FOCAD: variants seen among roughly 807,000 people sequenced by gnomAD.
FOCAD encodes KIAA1797.
In FOCAD, 198 loss-of-function variants were observed where a neutral mutation model predicts 225.6. That is an observed-to-expected ratio of 0.88 (90% CI 0.78 to 0.99). The LOEUF (loss-of-function observed/expected upper bound fraction) is 0.99. FOCAD is among the 50% of genes least tolerant of loss of function. The probability of loss-of-function intolerance (pLI) is 0.00; values close to 1 mark genes in which losing one functional copy is unlikely to be tolerated. For missense variants in FOCAD, 2,713 were observed against 2,123.6 expected, an observed-to-expected ratio of 1.28 and a Z score of -5.46; for synonymous variants, 897 against 755.0, an observed-to-expected ratio of 1.19 and a Z score of -3.08.
chr9:20,748,514 T>C (rs2131720598), intron 5 of FOCAD, among the ~76,000 whole-genome samples: 1 of 152,178 alleles, frequency 6.6e-6, no homozygotes, highest in East Asian at 1.9e-4. Flanking sequence ...ATTTTACATA[T>C]GGTTTCAGAG....
In FOCAD at chr9:20,790,572, G is replaced by T. The variant is rs1302374227; in HGVS notation, c.1455+964G>T. ...AGATCACTTGAGGTCAAGAGTTCGA[G>T]ACCAGCCTGGCCAACATGGCGAAAC... On this transcript the variant is annotated intron_variant, in intron 11 of 43. Transcript: ENST00000338382. Among the ~76,000 whole-genome samples, 3 of 152,288 alleles carry T rather than the reference G, an allele frequency of 2.0e-5. No homozygotes were observed. The East Asian group carries it at 5.8e-4, about 29-fold the overall frequency.
chr9:20,805,772 G>A (rs1822373605), intron 11 of FOCAD, among the ~76,000 whole-genome samples: 1 of 152,160 alleles, frequency 6.6e-6, no homozygotes, highest in Admixed American at 6.5e-5. Context: ...GAAGGAATAG[G>A]GGAAAGGGGA....
chr9:20,942,660 G>C (rs1836786182), intron 28 of FOCAD, among the ~76,000 whole-genome samples: 1 of 152,008 alleles, frequency 6.6e-6, no homozygotes, highest in South Asian at 2.1e-4. Flanking sequence ...TAGTTCTTCA[G>C]CTTTCAATAA....
chr9:20,925,715 GT>G (rs528508475), intron 25 of FOCAD, among the ~76,000 whole-genome samples: 3 of 151,884 alleles, frequency 2.0e-5, no homozygotes, highest in Admixed American at 6.6e-5. Flanking sequence ...AATGAGTGGG[GT>G]TTTTTTTGTT....
At chr9:20,727,043 GATATTA>G (rs1826254316) in intron 4 of FOCAD, among the ~76,000 whole-genome samples, 2 of 151,392 alleles carry the variant, frequency 1.3e-5, no homozygotes, top group African/African-American at 4.9e-5. Context: ...TATTTATATT[GATATTA>G]TGGCTTATTT....
rs1828885906 is a variant in FOCAD at position 20,862,717 on chromosome 9, G to A, written c.2055+5G>A. The A allele has an allele frequency of 3.1e-6, 5 of 1,608,142 alleles. No individual in the cohort carries two copies. Among genetic ancestry groups the A allele is most frequent in the Non-Finnish European group, 4.2e-6 (5 of 1,177,564 alleles). ...GTCAATACAACTGAATATGAGGTATGCATTTGGAGCTCAGCACATTGCCTG... is the reference window on the plus strand; with the variant it reads ...GTCAATACAACTGAATATGAGGTATACATTTGGAGCTCAGCACATTGCCTG... On this transcript the variant is annotated splice_donor_5th_base_variant and intron_variant, in intron 16 of 43. Coordinates refer to ENST00000338382, the MANE Select transcript of FOCAD (RefSeq NM_001375567.1).
rs368263108 is a variant in FOCAD, at chr9:20,907,169, A to G, written c.2645A>G (p.Glu882Gly). The change falls in exon 22 of 44, where the codon GAG (glutamate) becomes GGG (glycine). Residue 882 changes from glutamate (E) to glycine (G), a missense_variant. Coordinates refer to ENST00000338382, the MANE Select transcript of FOCAD (RefSeq NM_001375567.1). ...LVHEVHIQLS[E>G]WHRAIFLPQA... ...CCATAGGTTCATATCCAGCTTTCAG[A>G]GTGGCACCGTGCAATTTTTCTTCCA... The G allele has an allele frequency of 3.7e-6, 6 of 1,613,064 alleles. No individual in the cohort carries two copies. In the African/African-American group the frequency reaches 8.0e-5, roughly 22 times the overall value.
At chr9:20,919,693 G>C (rs964547771) in intron 24 of FOCAD, among the ~76,000 whole-genome samples, 22 of 152,220 alleles carry the variant, frequency 1.4e-4, no homozygotes, top group African/African-American at 4.8e-4. Context: ...ACAAACCTGA[G>C]AAAAACAAGC....
Position 20,798,721 on chromosome 9 carries a change from A to G in FOCAD, c.1455+9113A>G, listed in dbSNP as rs193091887. On this transcript the variant is annotated intron_variant, in intron 11 of 43. Coordinates refer to ENST00000338382, the MANE Select transcript of FOCAD (RefSeq NM_001375567.1). ...CCCTTTATCATTTTTTATTGCATCT[A>G]TTTGATTCTTCTCTCTTTTCTTCTT... Among the ~76,000 whole-genome samples the G allele has an allele frequency of 1.4e-3, 211 of 151,604 alleles. 1 individual carries two copies. The East Asian group carries it at 0.033, about 24-fold the overall frequency.
intron 23 of FOCAD, among the ~76,000 whole-genome samples, chr9:20,913,866 A>G (rs897638805): frequency 2.6e-5 from 4 of 152,142 alleles, no homozygotes; most frequent in Non-Finnish European, 5.9e-5. Context: ...ATATTTGCTA[A>G]GTTCTTTAAA....
intron 35 of FOCAD, among the ~76,000 whole-genome samples, chr9:20,974,616 A>G (rs55843979): frequency 2.3e-4 from 31 of 133,508 alleles, no homozygotes; most frequent in African/African-American, 5.5e-4. Context: ...CCTTTTTCCT[A>G]TGCTTCTCAT....
At position 20,974,475 on chromosome 9, in the gene FOCAD, C is replaced by G. The variant is rs544243195; in HGVS notation, c.4133-1945C>G. ...CACTTTTGCTGTCTCTGCCCTACTTCCCCCTTCTTTCAGCATCTGTTCATG... is the reference window on the plus strand; with the variant it reads ...CACTTTTGCTGTCTCTGCCCTACTTGCCCCTTCTTTCAGCATCTGTTCATG... On this transcript the variant is annotated intron_variant, in intron 35 of 43. Transcript: ENST00000338382. Among the ~76,000 whole-genome samples, 148 of 105,180 alleles carry G rather than the reference C, an allele frequency of 1.4e-3. 1 individual carries two copies. Among genetic ancestry groups the G allele is most frequent in the Non-Finnish European group, 2.5e-3 (126 of 51,200 alleles). The allele number at this position is 105,180 out of a possible 152,430, so 69.0% of individuals were successfully genotyped here. A position where few individuals can be genotyped will look rare whatever the true frequency, so the allele number is the denominator to read the frequency against.
At chr9:20,750,914 C>T (rs1483622934) in intron 5 of FOCAD, among the ~76,000 whole-genome samples, 1 of 152,040 alleles carries the variant, frequency 6.6e-6, no homozygotes, top group Non-Finnish European at 1.5e-5. Flanking sequence ...CATCTGTAGT[C>T]CTGAGCAGTC....
intron 5 of FOCAD, among the ~76,000 whole-genome samples, chr9:20,751,798 T>C (rs1223116683): frequency 6.7e-6 from 1 of 148,398 alleles, no homozygotes; most frequent in Non-Finnish European, 1.5e-5. Flanking sequence ...TTCCTATTAC[T>C]CCACATCCTC....
chr9:20,749,254 A>G (rs573928585), intron 5 of FOCAD, among the ~76,000 whole-genome samples: 7 of 152,288 alleles, frequency 4.6e-5, no homozygotes, highest in African/African-American at 1.7e-4. Flanking sequence ...ACAGAAAGGA[A>G]TCTTATGCTG....
chr9:20,742,429 C>T (rs1827708159), intron 5 of FOCAD, among the ~76,000 whole-genome samples: 1 of 150,822 alleles, frequency 6.6e-6, no homozygotes, highest in Admixed American at 6.6e-5. Context: ...TAACAGGCTC[C>T]CAGGTGATGC....
chr9:20,894,525 T>G (rs1831904019), intron 21 of FOCAD, among the ~76,000 whole-genome samples: 1 of 152,084 alleles, frequency 6.6e-6, no homozygotes, highest in Non-Finnish European at 1.5e-5. Context: ...GCAATTGGTG[T>G]TGTGGTCTGG....
intron 2 of FOCAD, among the ~76,000 whole-genome samples, chr9:20,663,440 C>T (rs1227793766): frequency 3.3e-5 from 5 of 150,870 alleles, no homozygotes; most frequent in Non-Finnish European, 5.9e-5. Flanking sequence ...ATCAGCGGTC[C>T]ATATTACCTA....
chr9:20,966,361 C>T (rs1266997009), intron 35 of FOCAD, among the ~76,000 whole-genome samples: 1 of 151,366 alleles, frequency 6.6e-6, no homozygotes, highest in Non-Finnish European at 1.5e-5. Flanking sequence ...AGTCCTTTGC[C>T]TATTTAAAAA....
Sources: gnomAD v4.1 joint callset for allele counts (sites outside exome capture counted in the v4.1 genomes callset) on GRCh38, gnomAD v4.1.1 for gene constraint, MANE v1.5 for transcripts, NCBI Gene and HGNC (gene_info 2026-07-23, HGNC 2026-07-21) for gene names.